ARHGAP24: variants seen among roughly 807,000 people sequenced by gnomAD.
The protein encoded by ARHGAP24 is rho GTPase-activating protein 24.
Under a neutral mutation model 76.4 loss-of-function variants are expected in ARHGAP24, and 50 were observed. That is an observed-to-expected ratio of 0.65 (90% CI 0.52 to 0.83). The LOEUF is 0.83. Ranked by LOEUF, ARHGAP24 falls within the 40% of genes least tolerant of loss-of-function variation. The pLI is 0.00. For missense variants in ARHGAP24, 930 were observed against 914.2 expected (o/e 1.02, Z -0.22); for synonymous variants, 345 against 323.3 (o/e 1.07, Z -0.72).
chr4:85,637,421 T>G (rs964717082), intron 2 of ARHGAP24, among the ~76,000 whole-genome samples: 5 of 152,154 alleles, frequency 3.3e-5, no homozygotes, highest in African/African-American at 1.2e-4. Flanking sequence ...TATCTTTAGG[T>G]ATTCATTCAA....
intron 2 of ARHGAP24, among the ~76,000 whole-genome samples, chr4:85,591,472 GGAGT>G (rs1287055001): frequency 1.3e-5 from 2 of 152,066 alleles, no homozygotes; most frequent in African/African-American, 4.8e-5. Context: ...TTGGAATTAG[GGAGT>G]GAGTCTGGGA....
At chr4:85,638,161 CCTGATTTAAGAA>C in intron 2 of ARHGAP24, among the ~76,000 whole-genome samples, 1 of 152,168 alleles carries the variant, frequency 6.6e-6, no homozygotes, top group African/African-American at 2.4e-5. Flanking sequence ...GTACGTCAGC[CCTGATTTAAGAA>C]CTGCTGTGAT....
intron 3 of ARHGAP24, among the ~76,000 whole-genome samples, chr4:85,797,386 G>C (rs935667162): frequency 3.3e-5 from 5 of 152,106 alleles, no homozygotes; most frequent in African/African-American, 1.2e-4. Context: ...TGTTAGCCAG[G>C]ATGGTCTCAA....
At chr4:85,518,445 GA>G (rs1724601439) in intron 1 of ARHGAP24, among the ~76,000 whole-genome samples, 2 of 152,188 alleles carry the variant, frequency 1.3e-5, no homozygotes, top group Non-Finnish European at 2.9e-5. Flanking sequence ...GGTGATTTGT[GA>G]GATTTTGGTG....
intron 4 of ARHGAP24, chr4:85,930,674 A>T: frequency 3.5e-6 from 4 of 1,148,304 alleles, no homozygotes; most frequent in Non-Finnish European, 4.3e-6. Context: ...GCAGAAACTT[A>T]AAAAAAAGAA....
At chr4:85,910,928 T>C (rs1441737625) in intron 3 of ARHGAP24, among the ~76,000 whole-genome samples, 5 of 152,110 alleles carry the variant, frequency 3.3e-5, no homozygotes, top group South Asian at 2.1e-4. Flanking sequence ...CAGGAATCTG[T>C]CTGCCTCCCA....
rs113432808 is a variant in ARHGAP24 at position 85,548,793 on chromosome 4, T to C, written c.-20-21729T>C. Reference sequence around the variant, plus strand: ...CAAGATGTAAGACATTTCCATCACCTTAGAAAGGTCCCTTGTGCCCCTTTC... The same window carrying C: ...CAAGATGTAAGACATTTCCATCACCCTAGAAAGGTCCCTTGTGCCCCTTTC... On this transcript the variant is annotated intron_variant, in intron 1 of 9. Coordinates refer to ENST00000395184, the MANE Select transcript of ARHGAP24 (RefSeq NM_001025616.3). 5.9e-3 allele frequency among the ~76,000 whole-genome samples: 893 copies of C among 152,278 alleles called. 10 individuals carry two copies. The highest frequency in any genetic ancestry group is 0.02 in the African/African-American group (829 of 41,544).
intron 3 of ARHGAP24, among the ~76,000 whole-genome samples, chr4:85,853,608 G>T (rs562683033): frequency 6.6e-6 from 1 of 152,206 alleles, no homozygotes; most frequent in South Asian, 2.1e-4. Context: ...GGCCATCTTG[G>T]AACGGACCTA....
intron 2 of ARHGAP24, among the ~76,000 whole-genome samples, chr4:85,598,932 T>A (rs1228939119): frequency 6.6e-6 from 1 of 151,662 alleles, no homozygotes; most frequent in African/African-American, 2.4e-5. Context: ...TTTTACTTAA[T>A]GGAATATATC....
intron 3 of ARHGAP24, among the ~76,000 whole-genome samples, chr4:85,782,220 C>T (rs1727600023): frequency 6.6e-6 from 1 of 152,036 alleles, no homozygotes; most frequent in Admixed American, 6.6e-5. Context: ...AAAGCTTTTC[C>T]TCACTTGACT....
chr4:85,649,952 G>A (rs1224376878), intron 2 of ARHGAP24, among the ~76,000 whole-genome samples: 3 of 152,016 alleles, frequency 2.0e-5, no homozygotes, highest in Non-Finnish European at 4.4e-5. Flanking sequence ...AGATATCAAG[G>A]TAGTCATAAG....
In ARHGAP24 at chr4:85,907,819, A is replaced by G. The variant is rs540700243; in HGVS notation, c.269-15829A>G. Among the ~76,000 whole-genome samples, 10 of 152,324 alleles carry G rather than the reference A, an allele frequency of 6.6e-5. 1 individual carries two copies. The South Asian group carries it at 1.4e-3, about 22-fold the overall frequency. On this transcript the variant is annotated intron_variant, in intron 3 of 9. Coordinates refer to ENST00000395184, the MANE Select transcript of ARHGAP24 (RefSeq NM_001025616.3). The stretch of plus-strand genomic sequence containing the variant: ...TATTGTTTAAGATGAACTCATCTCA[A>G]AAATGATGCCTTGCTGCTACTCTTC...
At chr4:85,600,738 T>C (rs916829183) in intron 2 of ARHGAP24, among the ~76,000 whole-genome samples, 1 of 152,228 alleles carries the variant, frequency 6.6e-6, no homozygotes, top group African/African-American at 2.4e-5. Flanking sequence ...ATAAATATGC[T>C]TTTCATGCAA....
intron 3 of ARHGAP24, among the ~76,000 whole-genome samples, chr4:85,777,884 G>A (rs1329313666): frequency 6.6e-6 from 1 of 152,058 alleles, no homozygotes; most frequent in Admixed American, 6.6e-5. Context: ...CCAATAAATA[G>A]GAAATACATG....
At chr4:85,710,201 C>T (rs1418583607) in intron 2 of ARHGAP24, among the ~76,000 whole-genome samples, 2 of 151,942 alleles carry the variant, frequency 1.3e-5, no homozygotes, top group East Asian at 1.9e-4. Flanking sequence ...GAAATAAGGT[C>T]GCACACGTAC....
chr4:85,924,342 G>A (rs1735900169), intron 4 of ARHGAP24, among the ~76,000 whole-genome samples: 1 of 151,850 alleles, frequency 6.6e-6, no homozygotes, highest in South Asian at 2.1e-4. Context: ...GCTATGCATA[G>A]AACTGAACAA....
chr4:85,602,074 C>T (rs1223200467), intron 2 of ARHGAP24, among the ~76,000 whole-genome samples: 1 of 152,124 alleles, frequency 6.6e-6, no homozygotes, highest in Non-Finnish European at 1.5e-5. Context: ...GGAAGATAGC[C>T]AGAGACTTTC....
At chr4:85,749,849 G>A (rs1726191271) in intron 3 of ARHGAP24, among the ~76,000 whole-genome samples, 1 of 152,098 alleles carries the variant, frequency 6.6e-6, no homozygotes, top group Admixed American at 6.5e-5. Context: ...TTACAGGCGT[G>A]AGCCACCGTG....
intron 2 of ARHGAP24, among the ~76,000 whole-genome samples, chr4:85,583,828 A>G (rs1039247218): frequency 7.3e-5 from 11 of 150,816 alleles, no homozygotes; most frequent in African/African-American, 2.2e-4. Flanking sequence ...GCAGCCAAAA[A>G]ACACATGAAA....
Sources: allele counts gnomAD v4.1 joint callset (sites outside exome capture counted in the v4.1 genomes callset), GRCh38; gene constraint gnomAD v4.1.1; transcripts MANE v1.5; gene names NCBI Gene and HGNC (gene_info 2026-07-23, HGNC 2026-07-21).